Variants in AADACL3 observed in about 807,000 individuals in gnomAD.
The protein encoded by AADACL3 is arylacetamide deacetylase-like 3.
AADACL3 carries 13 observed loss-of-function variants against 13.6 expected under a neutral mutation model. That is an observed-to-expected ratio of 0.95 (90% CI 0.62 to 1.52). AADACL3 has a LOEUF of 1.52. Among genes scored for constraint, AADACL3 ranks in the 40% most tolerant of loss-of-function variants. AADACL3 has a pLI of 0.00. For missense variants in AADACL3, 519 were observed against 499.2 expected (o/e 1.04, Z -0.38); for synonymous variants, 195 against 197.0 (o/e 0.99, Z 0.08).
At chr1:12,720,251 A>G (rs1038972489) in intron 2 of AADACL3, among the ~76,000 whole-genome samples, 10 of 152,132 alleles carry the variant, frequency 6.6e-5, no homozygotes, top group African/African-American at 2.4e-4. Context: ...AAACACCTTT[A>G]TTTGCTTTCA....
intron 3 of AADACL3, among the ~76,000 whole-genome samples, chr1:12,722,546 C>G (rs1638283435): frequency 6.6e-6 from 1 of 151,946 alleles, no homozygotes; most frequent in Admixed American, 6.6e-5. Flanking sequence ...TTTTCTAAAT[C>G]CAAGGTAGAC....
At position 12,721,525 on chromosome 1, in the gene AADACL3, C is replaced by A. The variant is rs989664264; in HGVS notation, c.449+579C>A. Among the ~76,000 whole-genome samples the A allele has an allele frequency of 3.9e-5, 6 of 152,170 alleles. No individual in the cohort carries two copies. The South Asian group carries it at 1.0e-3, about 26-fold the overall frequency. ...GGCCTTGGGTTTGTTTAAACAGAGG[C>A]GTTTTGTGCATTTTGAAGCTGGGTA... On this transcript the variant is annotated intron_variant, in intron 3 of 3. Coordinates refer to ENST00000359318, the MANE Select transcript of AADACL3 (RefSeq NM_001103170.3).
chr1:12,717,645 T>A (rs779338531), intron 1 of AADACL3, among the ~76,000 whole-genome samples: 10 of 152,124 alleles, frequency 6.6e-5, no homozygotes, highest in Non-Finnish European at 1.2e-4. Context: ...GTCCAGGCAG[T>A]GGGCAGCGGG....
intron 3 of AADACL3, among the ~76,000 whole-genome samples, chr1:12,721,508 G>A (rs1355558720): frequency 6.6e-6 from 1 of 152,206 alleles, no homozygotes; most frequent in Admixed American, 6.5e-5. Flanking sequence ...TGGGCCTTGG[G>A]TTTGTTTAAA....
intron 2 of AADACL3, 67 bp downstream of exon 2, chr1:12,719,758 G>A (rs1333476885): frequency 1.4e-6 from 2 of 1,439,502 alleles, no homozygotes; most frequent in Non-Finnish European, 9.7e-7. Flanking sequence ...GGAAGAATGG[G>A]CATCTTCCTG....
In AADACL3 at chr1:12,720,893, TG is replaced by T. The variant is rs779942887; in HGVS notation, c.398del (p.Gly133AlafsTer31). On this transcript the variant is annotated frameshift_variant, in exon 3 of 4. Transcript: ENST00000359318. LOFTEE classifies it high-confidence loss of function. ...CCATTTATTTTCTAGAAACCCACCA[TG>T]GCATATGCTCTCGTTTGTGCAAGGA... The part of the protein sequence containing the change: ...GVMGSLKTHH[G>X]ICSRLCKESD... The T allele has an allele frequency of 3.7e-6, 6 of 1,608,254 alleles. No homozygotes were observed. The highest frequency in any genetic ancestry group is 5.1e-6 in the Non-Finnish European group (6 of 1,176,242).
intron 1 of AADACL3, among the ~76,000 whole-genome samples, chr1:12,717,031 T>G (rs568138017): frequency 2.6e-5 from 4 of 152,246 alleles, no homozygotes; most frequent in South Asian, 2.1e-4. Flanking sequence ...TGGAACTGTG[T>G]AGGTGTTGCC....
At position 12,719,684 on chromosome 1, in the gene AADACL3, G is replaced by A; in HGVS notation, c.378G>A (p.Gly126=). 6.2e-7 allele frequency: 1 copy of A among 1,613,898 alleles called. No homozygotes were observed. Among genetic ancestry groups the A allele is most frequent in the South Asian group, 1.1e-5 (1 of 91,068 alleles). The change falls in exon 2 of 4, where the codon GGG becomes GGA. Residue 126 remains glycine, a synonymous_variant. Coordinates refer to ENST00000359318, the MANE Select transcript of AADACL3 (RefSeq NM_001103170.3). ...ACCACGGTGGCGGGGGCGTCATGGG[G>A]AGTTTGAGTAAGAACCATTTTCTCA... ...VYYHGGGGVM[G]SLKTHHGICS...
rs1638400313 is a variant in AADACL3, at chr1:12,727,807, A to G, written c.*1811A>G. ...TCCAATGGGTGAGGCCGCCTCTGAG[A>G]CAAGCCTCTGAGTTGAGGCTGGGAG... On this transcript the variant is annotated 3_prime_UTR_variant, in exon 4 of 4. Transcript: ENST00000359318. The G allele has an allele frequency of 6.6e-6, 1 of 152,214 alleles. No individual in the cohort carries two copies. The highest frequency in any genetic ancestry group is 6.5e-5 in the Admixed American group (1 of 15,278). The allele number at this position is 152,214 out of a possible 1,614,324, so 9.4% of individuals were successfully genotyped here.
chr1:12,718,954 C>T lies in AADACL3; in HGVS notation c.169-521C>T, dbSNP rs1199768423. On this transcript the variant is annotated intron_variant, in intron 1 of 3. Transcript: ENST00000359318. ...CCCTCATTTTCATTTATTTAAGAAG[C>T]CAATGGACATCATATTATTTTATCC... Among the ~76,000 whole-genome samples the T allele has an allele frequency of 5.9e-5, 9 of 152,270 alleles. No homozygotes were observed. In the East Asian group the frequency reaches 1.5e-3, roughly 26 times the overall value.
rs1250030904 is a variant in AADACL3, at chr1:12,725,506, C to T, written c.734C>T (p.Thr245Ile). The change falls in exon 4 of 4, where the codon ACC becomes ATC. Residue 245 changes from threonine to isoleucine, a missense_variant. Thr to Ile is a moderately conservative substitution (Grantham distance 89). Transcript: ENST00000359318. ...CAGAGGAAAAACATCCCACTGCTCA[C>T]CTGGAGTTTCATCTGCTACTTTTTT... ...FQQRKNIPLL[T>I]WSFICYFFFQ... The T allele has an allele frequency of 1.1e-5, 17 of 1,614,162 alleles. No individual in the cohort carries two copies. Among genetic ancestry groups the T allele is most frequent in the Non-Finnish European group, 1.4e-5 (17 of 1,180,028 alleles).
intron 2 of AADACL3, among the ~76,000 whole-genome samples, chr1:12,720,505 G>A (rs958090568): frequency 2.6e-5 from 4 of 152,170 alleles, no homozygotes; most frequent in African/African-American, 9.7e-5. Flanking sequence ...CCAGTTCACA[G>A]ATGAGGAAAT....
intron 3 of AADACL3, among the ~76,000 whole-genome samples, chr1:12,721,636 C>G (rs1015108461): frequency 4.6e-5 from 7 of 152,164 alleles, no homozygotes; most frequent in African/African-American, 1.4e-4. Flanking sequence ...AGTAAAACAA[C>G]CCTGCACCTC....
Position 12,725,879 on chromosome 1 carries a change from G to C in AADACL3, c.1107G>C (p.Trp369Cys), listed in dbSNP as rs1221135348. 30 of 1,614,072 alleles carry C rather than the reference G, an allele frequency of 1.9e-5. No individual in the cohort carries two copies. The Admixed American group carries it at 4.8e-4, about 26-fold the overall frequency. Residue 369 changes from tryptophan to cysteine, a missense_variant, in exon 4 of 4, where the codon TGG becomes TGC. By Grantham distance (215) the Trp-to-Cys change is radical. Transcript: ENST00000359318. ...AAGACCTGGGAGTGCCCGTGACCTGGCACCATATGGAGGATGGTTTCCATG... is the reference window on the plus strand; with the variant it reads ...AAGACCTGGGAGTGCCCGTGACCTGCCACCATATGGAGGATGGTTTCCATG... ...RLEDLGVPVTWHHMEDGFHGV... is the reference protein window; with the variant it reads ...RLEDLGVPVTCHHMEDGFHGV...
At chr1:12,719,316 C>T (rs1294903330) in intron 1 of AADACL3, among the ~76,000 whole-genome samples, 159 bp from the exon 2 acceptor site, 2 of 152,118 alleles carry the variant, frequency 1.3e-5, no homozygotes, top group African/African-American at 4.8e-5. Flanking sequence ...CTGCAGGTGT[C>T]CTGAGGGAAC....
In AADACL3 at chr1:12,723,637, C is replaced by A. The variant is rs533251288; in HGVS notation, c.450-1585C>A. Among the ~76,000 whole-genome samples, 77 of 152,172 alleles carry A rather than the reference C, an allele frequency of 5.1e-4. 1 individual carries two copies. In the South Asian group the frequency reaches 0.016, roughly 32 times the overall value. On this transcript the variant is annotated intron_variant, in intron 3 of 3. Transcript: ENST00000359318. Reference sequence around the variant, plus strand: ...GGACCACAGACACACACCACCACGCCTGGCTAATTTTTTGTATTTTTGGTA... The same window carrying A: ...GGACCACAGACACACACCACCACGCATGGCTAATTTTTTGTATTTTTGGTA...
chr1:12,716,257 T>A lies in AADACL3; in HGVS notation c.81T>A (p.His27Gln), dbSNP rs2100803990. 6.3e-7 allele frequency: 1 copy of A among 1,577,260 alleles called. No individual in the cohort carries two copies. The highest frequency in any genetic ancestry group is 2.2e-5 in the East Asian group (1 of 44,704). ...TCACTCTGTGGGTCATTTGCAGCCA[T>A]TTTTTCACTGTGCACATCCCTGCAG... ...LGVTLWVICS[H>Q]FFTVHIPAAV... The change falls in exon 1 of 4, where the codon CAT becomes CAA. Residue 27 changes from histidine to glutamine, a missense_variant. His to Gln is a conservative substitution (Grantham distance 24, BLOSUM62 0). Transcript: ENST00000359318.
rs772884284 is a variant in AADACL3 at position 12,719,691 on chromosome 1, A to G, written c.385A>G (p.Lys129Glu). Residue 129 changes from lysine (K) to glutamate (E), a missense_variant and splice_region_variant, in exon 2 of 4, where the codon AAA (lysine) becomes GAA (glutamate). By Grantham distance (56) the Lys-to-Glu change is moderately conservative. Coordinates refer to ENST00000359318, the MANE Select transcript of AADACL3 (RefSeq NM_001103170.3). ...TGGCGGGGGCGTCATGGGGAGTTTG[A>G]GTAAGAACCATTTTCTCAGACCTCC... is the stretch of plus-strand genomic sequence containing the variant. The part of the protein sequence containing the change: ...HGGGGVMGSL[K>E]THHGICSRLC... 35 of 1,613,326 alleles carry G rather than the reference A, an allele frequency of 2.2e-5. No individual in the cohort carries two copies. The highest frequency in any genetic ancestry group is 1.5e-4 in the South Asian group (14 of 91,054).
In AADACL3 at chr1:12,719,946, G is replaced by A. The variant is rs189497825; in HGVS notation, c.385+255G>A. On this transcript the variant is annotated intron_variant, in intron 2 of 3. Transcript: ENST00000359318. ...ATAAGGAAGGATACTGTAAGGTAAA[G>A]ATCCTGAAATGTACCCTTACTTGCA... Among the ~76,000 whole-genome samples the A allele has an allele frequency of 3.6e-4, 55 of 152,206 alleles. No individual in the cohort carries two copies. The East Asian group carries it at 9.6e-3, about 27-fold the overall frequency.
Sources: gnomAD v4.1 joint callset for allele counts (sites outside exome capture counted in the v4.1 genomes callset) on GRCh38, gnomAD v4.1.1 for gene constraint, MANE v1.5 for transcripts, NCBI Gene and HGNC (gene_info 2026-07-23, HGNC 2026-07-21) for gene names.